The following SLC25A21 variants were observed in gnomAD, a reference collection of about 807,000 sequenced individuals.
The protein encoded by SLC25A21 is mitochondrial 2-oxodicarboxylate carrier.
A neutral mutation model predicts 43.8 loss-of-function variants in SLC25A21; 47 were observed. That is an observed-to-expected ratio of 1.07 (90% confidence interval 0.85 to 1.37). SLC25A21 has a LOEUF of 1.37. Among genes scored for constraint, SLC25A21 ranks in the 40% most tolerant of loss-of-function variants. The pLI is 0.00. For missense variants in SLC25A21, 352 were observed against 350.2 expected (o/e 1.00, Z -0.04); for synonymous variants, 131 against 121.3 (o/e 1.08, Z -0.52).
chr14:36,768,921 C>T (rs1481754047), intron 3 of SLC25A21, among the ~76,000 whole-genome samples: 1 of 139,080 alleles, frequency 7.2e-6, no homozygotes, highest in Non-Finnish European at 1.5e-5. Context: ...AAAGTGAGAC[C>T]TCTGTCTCTA....
At chr14:36,917,062 T>A (rs951715013) in intron 1 of SLC25A21, among the ~76,000 whole-genome samples, 3 of 152,212 alleles carry the variant, frequency 2.0e-5, no homozygotes, top group African/African-American at 7.2e-5. Flanking sequence ...TTGTCAAATG[T>A]CATGCTTTCA....
rs572201938 is a variant in SLC25A21 at position 36,744,855 on chromosome 14, G to A, written c.204-10282C>T. Among the ~76,000 whole-genome samples the A allele has an allele frequency of 2.2e-4, 22 of 100,526 alleles. No individual in the cohort carries two copies. The South Asian group carries it at 3.6e-3, about 17-fold the overall frequency. The allele number at this position is 100,526 out of a possible 152,430, so 65.9% of individuals were successfully genotyped here. ...AAAAGTGGGCAAAGTTCATGAACAG[G>A]CATTTTTCTTTTTTTTTATTATAGT... On this transcript the variant is annotated intron_variant, in intron 3 of 9. Transcript: ENST00000331299.
chr14:37,043,292 G>C (rs1190549783), intron 1 of SLC25A21, among the ~76,000 whole-genome samples: 1 of 152,130 alleles, frequency 6.6e-6, no homozygotes, highest in Non-Finnish European at 1.5e-5. Context: ...AATGAAAACT[G>C]CAATTCTGAG....
intron 1 of SLC25A21, among the ~76,000 whole-genome samples, chr14:37,106,177 G>A (rs1293248744): frequency 6.6e-6 from 1 of 151,976 alleles, no homozygotes; most frequent in Non-Finnish European, 1.5e-5. Context: ...AAAAAAAACA[G>A]AATAACAGCA....
At chr14:36,914,240 T>C (rs1891768206) in intron 1 of SLC25A21, among the ~76,000 whole-genome samples, 1 of 152,222 alleles carries the variant, frequency 6.6e-6, no homozygotes, top group East Asian at 1.9e-4. Context: ...CGAAAATTAA[T>C]AAATGATTCG....
intron 3 of SLC25A21, among the ~76,000 whole-genome samples, chr14:36,811,390 C>T (rs1668642210): frequency 6.6e-6 from 1 of 152,074 alleles, no homozygotes; most frequent in Non-Finnish European, 1.5e-5. Context: ...GTGGCTCACA[C>T]CTGTAATCCT....
At chr14:37,098,782 C>CAGATAGATAGATAGATAGATAGATAGAT (rs1328490791) in intron 1 of SLC25A21, among the ~76,000 whole-genome samples, 1 of 138,060 alleles carries the variant, frequency 7.2e-6, no homozygotes, top group African/African-American at 3.0e-5. Flanking sequence ...GACAGACAGA[C>CAGATAGATAGATAGATAGATAGATAGAT]AGACAGATAG....
intron 1 of SLC25A21, among the ~76,000 whole-genome samples, chr14:36,912,462 C>G (rs1381348779): frequency 6.6e-6 from 1 of 152,130 alleles, no homozygotes; most frequent in East Asian, 1.9e-4. Flanking sequence ...ATACAAGCAG[C>G]AGGCACTAAA....
intron 1 of SLC25A21, among the ~76,000 whole-genome samples, chr14:37,037,122 G>A (rs1157941107): frequency 2.6e-5 from 4 of 152,140 alleles, no homozygotes; most frequent in Admixed American, 6.5e-5. Context: ...GGTGTGGGGG[G>A]ACCCTGATTG....
At chr14:36,946,578 T>C (rs543529958) in intron 1 of SLC25A21, among the ~76,000 whole-genome samples, 1 of 152,284 alleles carries the variant, frequency 6.6e-6, no homozygotes, top group African/African-American at 2.4e-5. Flanking sequence ...CTGGTATAAA[T>C]AGAATTAAGA....
intron 1 of SLC25A21, among the ~76,000 whole-genome samples, chr14:37,013,411 T>C (rs76985970): frequency 1.5e-3 from 224 of 152,292 alleles, no homozygotes; most frequent in African/African-American, 4.9e-3. Context: ...GTACAGCTGC[T>C]CTGTGAAGTA....
intron 1 of SLC25A21, among the ~76,000 whole-genome samples, chr14:37,003,950 A>C (rs1034259148): frequency 2.6e-5 from 4 of 152,128 alleles, no homozygotes; most frequent in African/African-American, 9.7e-5. Flanking sequence ...CTAACACCCA[A>C]GGCATGGATT....
At chr14:36,724,471 C>T (rs909589789) in intron 6 of SLC25A21, among the ~76,000 whole-genome samples, 10 of 152,180 alleles carry the variant, frequency 6.6e-5, no homozygotes, top group African/African-American at 2.4e-4. Context: ...ACAGAAAGAT[C>T]AGGTCAGCAG....
At chr14:36,737,180 C>T (rs1885076599) in intron 3 of SLC25A21, among the ~76,000 whole-genome samples, 1 of 152,146 alleles carries the variant, frequency 6.6e-6, no homozygotes, top group Non-Finnish European at 1.5e-5. Context: ...TCTGCCATAC[C>T]TTAGACTTTT....
At chr14:37,120,997 T>C (rs1486576809) in intron 1 of SLC25A21, among the ~76,000 whole-genome samples, 1 of 152,138 alleles carries the variant, frequency 6.6e-6, no homozygotes, top group Non-Finnish European at 1.5e-5. Context: ...CTGAAGCTAA[T>C]AAATGGGCTG....
intron 1 of SLC25A21, among the ~76,000 whole-genome samples, chr14:37,104,071 T>A (rs879660539): frequency 3.9e-5 from 6 of 152,214 alleles, no homozygotes; most frequent in Non-Finnish European, 8.8e-5. Context: ...AAATGCCATA[T>A]GACAAACTTC....
intron 4 of SLC25A21, among the ~76,000 whole-genome samples, chr14:36,731,134 G>T (rs1378731656): frequency 6.6e-6 from 1 of 151,972 alleles, no homozygotes; most frequent in Non-Finnish European, 1.5e-5. Context: ...TACCACGCCC[G>T]GCTAATTTTT....
intron 2 of SLC25A21, among the ~76,000 whole-genome samples, chr14:36,839,220 C>T (rs1889304502): frequency 1.3e-5 from 2 of 152,066 alleles, no homozygotes. Context: ...ATTAGAAATC[C>T]TCATAGGATT....
chr14:36,854,309 T>C (rs902927850), intron 2 of SLC25A21, among the ~76,000 whole-genome samples: 3 of 152,230 alleles, frequency 2.0e-5, no homozygotes, highest in African/African-American at 2.4e-5. Flanking sequence ...TCTGAAGATA[T>C]AGAAGAGGAT....
Sources: gnomAD v4.1 joint callset for allele counts (sites outside exome capture counted in the v4.1 genomes callset) on GRCh38, gnomAD v4.1.1 for gene constraint, MANE v1.5 for transcripts, NCBI Gene and HGNC (gene_info 2026-07-23, HGNC 2026-07-21) for gene names.